Variants in CAST observed in about 807,000 individuals in gnomAD.
The protein encoded by CAST is calpastatin.
CAST carries 76 observed loss-of-function variants against 119.6 expected under a neutral mutation model. The observed-to-expected ratio is 0.64, with a 90% CI of 0.53 to 0.77. The LOEUF is 0.77. Ranked by LOEUF, CAST falls within the 30% of genes least tolerant of loss-of-function variation. The pLI is 0.00. For missense variants in CAST, 953 were observed against 946.5 expected (o/e 1.01, Z -0.09); for synonymous variants, 319 against 331.6 (o/e 0.96, Z 0.41).
the CAST span, among the ~76,000 whole-genome samples, chr5:96,316,846 T>C: frequency 6.6e-6 from 1 of 152,248 alleles, no homozygotes; most frequent in Non-Finnish European, 1.5e-5. Flanking sequence ...TCTAACTTAA[T>C]TGCCAAGTAA....
the CAST span, chr5:96,391,436 G>A: frequency 6.6e-6 from 1 of 152,196 alleles, no homozygotes; most frequent in Non-Finnish European, 1.5e-5. Flanking sequence ...AGCATATTGA[G>A]AGAAGGAAGC....
rs201033643 is a variant in CAST at position 96,679,585 on chromosome 5, CAGAG to C, written c.138+3987_138+3990del. On this transcript the variant is annotated intron_variant, in intron 2 of 31. Coordinates refer to ENST00000675179, the MANE Select transcript of CAST (RefSeq NM_001750.7). ...TTAAAGTATAAAACGGGCATGATCTCAGAGAGCCAATTTTAAAAGCTTCAAATTT... is the reference window on the plus strand; with the variant it reads ...TTAAAGTATAAAACGGGCATGATCTCAGCCAATTTTAAAAGCTTCAAATTT... 8.4e-3 allele frequency: 1,282 copies of C among 152,236 alleles called. 20 individuals are homozygous for C. Among genetic ancestry groups the C allele is most frequent in the African/African-American group, 0.029 (1,214 of 41,532 alleles). 9.4% of individuals were successfully genotyped at this position (152,236 alleles called of 1,614,324 possible).
At chr5:96,620,138 A>G (rs1376276406) in intron 1 of CAST, among the ~76,000 whole-genome samples, 1 of 152,224 alleles carries the variant, frequency 6.6e-6, no homozygotes, top group Non-Finnish European at 1.5e-5. Flanking sequence ...GCAGTTATTC[A>G]GTGCTACTGA....
rs762702463 is a variant in CAST at position 96,727,504 on chromosome 5, C to T, written c.352C>T (p.Pro118Ser). 1 of 1,558,066 alleles carries T rather than the reference C, an allele frequency of 6.4e-7. No individual in the cohort carries two copies. ...CTGAACTTAGGCTGTAAAAACAGAA[C>T]CTGAGAAGAAGTCACAGTCAACCAA... ...KHKKQAVKTE[P>S]EKKSQSTKLS... The change falls in exon 6 of 32, where the codon CCT becomes TCT. Residue 118 changes from proline to serine, a missense_variant. Coordinates refer to ENST00000675179, the MANE Select transcript of CAST (RefSeq NM_001750.7).
At chr5:96,659,049 T>C (rs1465958375), upstream of CAST, among the ~76,000 whole-genome samples, 1 of 152,210 alleles carries the variant, frequency 6.6e-6, no homozygotes, top group African/African-American at 2.4e-5. Context: ...GAACAGCCAG[T>C]TGGTGGAGCA....
At chr5:96,311,724 T>G in the CAST span, among the ~76,000 whole-genome samples, 5 of 152,038 alleles carry the variant, frequency 3.3e-5, no homozygotes, top group Non-Finnish European at 7.4e-5. Flanking sequence ...TTGATATTCC[T>G]AGAAAACAAA....
chr5:96,281,106 A>G, the CAST span, among the ~76,000 whole-genome samples: 1 of 152,192 alleles, frequency 6.6e-6, no homozygotes, highest in African/African-American at 2.4e-5. Context: ...TCTGACTCCC[A>G]ATTCTAGAGC....
At chr5:96,345,437 G>T in the CAST span, among the ~76,000 whole-genome samples, 1 of 152,278 alleles carries the variant, frequency 6.6e-6, no homozygotes, top group African/African-American at 2.4e-5. Flanking sequence ...TTTCGACTTA[G>T]CATTGGGCTC....
the CAST span, among the ~76,000 whole-genome samples, chr5:96,226,877 T>G: frequency 6.6e-6 from 1 of 152,318 alleles, no homozygotes; most frequent in Middle Eastern, 3.4e-3. Context: ...AACAGCTAAA[T>G]ATTCCCATAG....
chr5:96,078,348 C>G, the CAST span, among the ~76,000 whole-genome samples: 1 of 151,970 alleles, frequency 6.6e-6, no homozygotes, highest in Admixed American at 6.6e-5. Context: ...TTAAGGGGTA[C>G]TTGGTGATTC....
chr5:96,507,812 T>A, the CAST span, among the ~76,000 whole-genome samples: 1 of 152,060 alleles, frequency 6.6e-6, no homozygotes. Context: ...TTATTGTAAA[T>A]CTGAGTTTGT....
chr5:96,311,629 G>A, the CAST span, among the ~76,000 whole-genome samples: 1 of 151,970 alleles, frequency 6.6e-6, no homozygotes, highest in Non-Finnish European at 1.5e-5. Flanking sequence ...TCTTCTTGAT[G>A]AAATCACCAG....
the CAST span, chr5:96,400,237 T>C: frequency 1.2e-5 from 16 of 1,314,814 alleles, no homozygotes; most frequent in Non-Finnish European, 1.4e-5. Context: ...GAAGTTTCCT[T>C]GCAAAAGCAA....
At chr5:96,635,921 G>A (rs867974048) in intron 1 of CAST, among the ~76,000 whole-genome samples, 3 of 152,140 alleles carry the variant, frequency 2.0e-5, no homozygotes, top group Middle Eastern at 3.4e-3. Flanking sequence ...TAGAACCCTG[G>A]CTTCTCTCAA....
At chr5:96,443,300 A>G in the CAST span, among the ~76,000 whole-genome samples, 1 of 152,212 alleles carries the variant, frequency 6.6e-6, no homozygotes, top group Non-Finnish European at 1.5e-5. Context: ...TCCTATGAAG[A>G]TGCATAACTA....
intron 1 of CAST, among the ~76,000 whole-genome samples, chr5:96,597,389 A>G (rs537581020): frequency 6.6e-6 from 1 of 152,326 alleles, no homozygotes; most frequent in African/African-American, 2.4e-5. Flanking sequence ...ATTTTGTGTA[A>G]AACCTTGCAG....
the CAST span, among the ~76,000 whole-genome samples, chr5:96,357,838 G>A: frequency 6.1e-3 from 923 of 152,244 alleles, 16 homozygotes; most frequent in African/African-American, 0.021. Flanking sequence ...GATGATGCTG[G>A]CCTCATATAA....
At chr5:96,051,134 A>G in the CAST span, among the ~76,000 whole-genome samples, 2 of 152,092 alleles carry the variant, frequency 1.3e-5, no homozygotes, top group African/African-American at 4.8e-5. Flanking sequence ...AAGTGTTTGT[A>G]TCTGCTTGGT....
At chr5:96,014,939 C>T in the CAST span, among the ~76,000 whole-genome samples, 1 of 152,122 alleles carries the variant, frequency 6.6e-6, no homozygotes, top group African/African-American at 2.4e-5. Flanking sequence ...CTTTTCAGAG[C>T]TCTAACACCT....
Sources: gnomAD v4.1 joint callset for allele counts (sites outside exome capture counted in the v4.1 genomes callset) on GRCh38, gnomAD v4.1.1 for gene constraint, MANE v1.5 for transcripts, NCBI Gene and HGNC (gene_info 2026-07-23, HGNC 2026-07-21) for gene names.